The following VRK2 variants were observed in gnomAD, a reference collection of about 807,000 sequenced individuals.
VRK2 encodes the protein serine/threonine-protein kinase VRK2.
A neutral mutation model predicts 57.6 loss-of-function variants in VRK2; 60 were observed. The observed-to-expected ratio is 1.04, with a 90% CI of 0.85 to 1.29. The LOEUF is 1.29. Among genes scored for constraint, VRK2 ranks in the 50% most tolerant of loss-of-function variants. The pLI, the probability that VRK2 is intolerant of heterozygous loss-of-function variation, is 0.00. For missense variants in VRK2, 705 were observed against 588.1 expected (o/e 1.20, Z -2.06); for synonymous variants, 231 against 199.2 (o/e 1.16, Z -1.35).
At chr2:57,940,224 T>A (rs1228393560) in intron 1 of VRK2, among the ~76,000 whole-genome samples, 2 of 152,114 alleles carry the variant, frequency 1.3e-5, no homozygotes, top group Non-Finnish European at 2.9e-5. Flanking sequence ...TGTGGTGTAA[T>A]TCCAGTCTGA....
At chr2:57,930,542 TG>T (rs1290343976) in intron 1 of VRK2, among the ~76,000 whole-genome samples, 1 of 152,194 alleles carries the variant, frequency 6.6e-6, no homozygotes, top group Non-Finnish European at 1.5e-5. Context: ...ATTGCTTGCT[TG>T]GTTTTTAGTG....
intron 1 of VRK2, among the ~76,000 whole-genome samples, chr2:57,932,410 T>C (rs1310383275): frequency 6.6e-6 from 1 of 152,174 alleles, no homozygotes; most frequent in Admixed American, 6.5e-5. Context: ...CCTTTTTAAA[T>C]ATAAAATTCA....
chr2:58,131,264 A>C (rs563281766), intron 8 of VRK2, among the ~76,000 whole-genome samples: 1 of 150,756 alleles, frequency 6.6e-6, no homozygotes, highest in African/African-American at 2.4e-5. Context: ...AATCTTCAGA[A>C]AGACCCTTTT....
rs1342238780 is a variant in VRK2, at chr2:57,939,779, C to A, written c.-439+31940C>A. On this transcript the variant is annotated intron_variant, in intron 1 of 15. Coordinates refer to the VRK2 transcript ENST00000417641. Reference sequence around the variant, plus strand: ...TGGCATATTTTTCTGTTTACACTTGCTTGAAATTAGGTAGAACACTTAGTT... The same window carrying A: ...TGGCATATTTTTCTGTTTACACTTGATTGAAATTAGGTAGAACACTTAGTT... Among the ~76,000 whole-genome samples the A allele has an allele frequency of 2.0e-5, 3 of 152,060 alleles. No individual in the cohort carries two copies. In the East Asian group the frequency reaches 5.8e-4, roughly 29 times the overall value.
chr2:57,909,085 C>G (rs2717000), intron 1 of VRK2, among the ~76,000 whole-genome samples: 49,897 of 151,968 alleles, frequency 0.33, 8,708 homozygotes, highest in East Asian at 0.41. Flanking sequence ...CTCCCCTTTG[C>G]ATTCCCTCAG....
intron 8 of VRK2, among the ~76,000 whole-genome samples, chr2:58,126,533 A>C (rs1489951087): frequency 6.6e-6 from 1 of 151,858 alleles, no homozygotes; most frequent in South Asian, 2.1e-4. Flanking sequence ...ATGCATGGAG[A>C]TGTATCGTGA....
chr2:58,103,072 A>G (rs1674237441), intron 7 of VRK2, among the ~76,000 whole-genome samples: 2 of 151,560 alleles, frequency 1.3e-5, no homozygotes, highest in African/African-American at 4.8e-5. Context: ...AGCCTTTGGG[A>G]TACAGAAAAA....
chr2:57,935,598 G>C (rs1162343831), intron 1 of VRK2, among the ~76,000 whole-genome samples: 1 of 152,074 alleles, frequency 6.6e-6, no homozygotes, highest in African/African-American at 2.4e-5. Context: ...AAATTCATGG[G>C]CCAGCTTCCT....
intron 3 of VRK2, among the ~76,000 whole-genome samples, chr2:58,037,356 G>A (rs1376520297): frequency 6.6e-6 from 1 of 152,002 alleles, no homozygotes; most frequent in Non-Finnish European, 1.5e-5. Context: ...TATAATTTTA[G>A]TTGAGACAAA....
chr2:58,009,855 T>A (rs1334827131), intron 1 of VRK2, among the ~76,000 whole-genome samples: 1 of 152,170 alleles, frequency 6.6e-6, no homozygotes, highest in Non-Finnish European at 1.5e-5. Flanking sequence ...TACTGTTTTT[T>A]TCTCCTACTT....
chr2:58,030,292 G>A (rs1674073335), intron 2 of VRK2, among the ~76,000 whole-genome samples: 1 of 151,924 alleles, frequency 6.6e-6, no homozygotes, highest in African/African-American at 2.4e-5. Context: ...AATGTCTTAG[G>A]TGTTTCATTT....
chr2:58,090,117 C>G (rs760180655), intron 7 of VRK2, among the ~76,000 whole-genome samples: 4 of 148,892 alleles, frequency 2.7e-5, no homozygotes, highest in African/African-American at 7.4e-5. Context: ...GCAGAGAGGC[C>G]GGGCGCGGTG....
chr2:57,917,488 C>A (rs1670195898), intron 1 of VRK2, among the ~76,000 whole-genome samples: 1 of 150,122 alleles, frequency 6.7e-6, no homozygotes, highest in African/African-American at 2.5e-5. Flanking sequence ...CCTCATTATG[C>A]ATGTGAGAGC....
At chr2:58,083,219 G>A (rs1373016842) in intron 2 of VRK2, among the ~76,000 whole-genome samples, 1 of 151,574 alleles carries the variant, frequency 6.6e-6, no homozygotes, top group African/African-American at 2.4e-5. Context: ...CTAGCTTCTT[G>A]ATAAATATTT....
At chr2:58,124,009 A>G (rs972632952) in intron 8 of VRK2, among the ~76,000 whole-genome samples, 2 of 152,154 alleles carry the variant, frequency 1.3e-5, no homozygotes, top group Non-Finnish European at 2.9e-5. Context: ...CGCCTTTCAT[A>G]TATCTTACTT....
intron 1 of VRK2, chr2:58,047,362 C>T (rs1286692666): frequency 3.2e-6 from 3 of 948,868 alleles, no homozygotes; most frequent in South Asian, 4.9e-5. Flanking sequence ...GAGGACTCAT[C>T]TTAGCCCTGG....
intron 8 of VRK2, among the ~76,000 whole-genome samples, chr2:58,131,563 T>G (rs929870861): frequency 5.3e-5 from 8 of 152,164 alleles, no homozygotes; most frequent in African/African-American, 1.7e-4. Flanking sequence ...CAGGCCAGAC[T>G]AAGGAAAGAT....
intron 2 of VRK2, among the ~76,000 whole-genome samples, chr2:58,057,598 A>G (rs1363494633): frequency 6.6e-6 from 1 of 152,176 alleles, no homozygotes; most frequent in East Asian, 1.9e-4. Flanking sequence ...GGTGTTTACT[A>G]TAAAATGGAT....
intron 2 of VRK2, among the ~76,000 whole-genome samples, chr2:58,067,383 C>T (rs1328838021): frequency 6.6e-6 from 1 of 152,056 alleles, no homozygotes; most frequent in Non-Finnish European, 1.5e-5. Flanking sequence ...TTAATTCTGT[C>T]CCTCTAGAGA....
Sources: gnomAD v4.1 joint callset for allele counts (sites outside exome capture counted in the v4.1 genomes callset) on GRCh38, gnomAD v4.1.1 for gene constraint, MANE v1.5 for transcripts, NCBI Gene and HGNC (gene_info 2026-07-23, HGNC 2026-07-21) for gene names.